PPP2R3A: variants seen among roughly 807,000 people sequenced by gnomAD.
PPP2R3A encodes serine/threonine-protein phosphatase 2A regulatory subunit B'' subunit alpha.
PPP2R3A carries 80 observed loss-of-function variants against 106.9 expected under a neutral mutation model. The ratio of observed to expected loss-of-function variants is 0.75; its 90% CI spans 0.62 to 0.90. The LOEUF (loss-of-function observed/expected upper bound fraction) is 0.90. PPP2R3A is among the 40% of genes least tolerant of loss of function. The pLI, the probability that PPP2R3A is intolerant of heterozygous loss-of-function variation, is 0.00. For missense variants in PPP2R3A, 1,386 were observed against 1,350.4 expected (o/e 1.03, Z -0.41); for synonymous variants, 483 against 468.3 (o/e 1.03, Z -0.41).
At chr3:136,089,117 T>C (rs1038314889) in intron 9 of PPP2R3A, among the ~76,000 whole-genome samples, 3 of 152,194 alleles carry the variant, frequency 2.0e-5, no homozygotes, top group Non-Finnish European at 4.4e-5. Flanking sequence ...TTTGGTTGTG[T>C]TGCAGTTGCT....
At position 136,042,324 on chromosome 3, in the gene PPP2R3A, A is replaced by C. The variant is rs1408414720; in HGVS notation, c.2366+1362A>C. Among the ~76,000 whole-genome samples, 29 of 152,148 alleles carry C rather than the reference A, an allele frequency of 1.9e-4. 1 individual carries two copies. Among genetic ancestry groups the C allele is most frequent in the Admixed American group, 1.9e-3 (29 of 15,266 alleles). ...ATGGACACAGGGAGGGGAACAGCAC[A>C]CACTGGGGCCTGTTGGGGTGGGGTG... On this transcript the variant is annotated intron_variant, in intron 4 of 13. Transcript: ENST00000264977.
chr3:135,977,376 A>T (rs1476907837), intron 1 of PPP2R3A, among the ~76,000 whole-genome samples: 1 of 152,226 alleles, frequency 6.6e-6, no homozygotes, highest in Non-Finnish European at 1.5e-5. Context: ...ATATTTTTCC[A>T]CTTAAAGATA....
chr3:135,970,034 A>C (rs1937199966), intron 1 of PPP2R3A, among the ~76,000 whole-genome samples: 1 of 152,234 alleles, frequency 6.6e-6, no homozygotes, highest in Admixed American at 6.5e-5. Context: ...TCTTGGTTGC[A>C]CATTGGAATC....
At chr3:136,047,451 A>G (rs1935509422) in intron 4 of PPP2R3A, among the ~76,000 whole-genome samples, 1 of 152,266 alleles carries the variant, frequency 6.6e-6, no homozygotes, top group Non-Finnish European at 1.5e-5. Context: ...ACCATGGACT[A>G]CTAAGCAGCC....
intron 3 of PPP2R3A, 47 bp downstream of exon 3, chr3:136,027,145 C>A (rs1216917025): frequency 6.6e-7 from 1 of 1,518,854 alleles, no homozygotes; most frequent in Admixed American, 1.8e-5. Context: ...CTTTAGAAAC[C>A]CTGATCCCCT....
chr3:135,985,740 G>A (rs1932892761), intron 1 of PPP2R3A, among the ~76,000 whole-genome samples: 1 of 152,188 alleles, frequency 6.6e-6, no homozygotes, highest in South Asian at 2.1e-4. Context: ...ATGGGATAAA[G>A]TGACTGAGAC....
At chr3:136,023,243 T>C (rs762541150) in intron 2 of PPP2R3A, 2 of 1,551,006 alleles carry the variant, frequency 1.3e-6, no homozygotes, top group Admixed American at 3.8e-5. Flanking sequence ...TTTTGTTTTG[T>C]TTTGAAAATA....
At chr3:136,136,069 AAAAATTAT>A (rs58724808) in intron 13 of PPP2R3A, among the ~76,000 whole-genome samples, 15,298 of 49,918 alleles carry the variant, frequency 0.31, 2,016 homozygotes, top group Non-Finnish European at 0.47. Flanking sequence ...AAAAAAAAAA[AAAAATTAT>A]ATATATATAT....
chr3:136,083,650 G>T (rs2107933005), intron 8 of PPP2R3A, among the ~76,000 whole-genome samples: 1 of 152,354 alleles, frequency 6.6e-6, no homozygotes, highest in African/African-American at 2.4e-5. Flanking sequence ...TAGGTAATAG[G>T]CAGAGGTTGG....
At position 136,070,486 on chromosome 3, in the gene PPP2R3A, G is replaced by A. The variant is rs946642881; in HGVS notation, c.2478G>A (p.Val826=). The A allele has an allele frequency of 1.2e-6, 2 of 1,603,874 alleles. No individual in the cohort carries two copies. Among genetic ancestry groups the A allele is most frequent in the Non-Finnish European group, 1.7e-6 (2 of 1,176,340 alleles). Residue 826 remains valine, a synonymous_variant, in exon 6 of 14, where the codon GTG becomes GTA. Coordinates refer to ENST00000264977, the MANE Select transcript of PPP2R3A (RefSeq NM_002718.5). The stretch of plus-strand genomic sequence containing the variant: ...GTTTTGATCTTTTTCAGGATGTGGT[G>A]GATACCCACCCTGGTCTCACGTTCC... ...EDFIPLLQDV[V]DTHPGLTFLK... is the part of the protein sequence containing the mutation.
At chr3:136,049,744 TAGAA>T (rs1028722232) in intron 5 of PPP2R3A, among the ~76,000 whole-genome samples, 2 of 152,080 alleles carry the variant, frequency 1.3e-5, no homozygotes, top group African/African-American at 4.8e-5. Context: ...AAGAACCTGG[TAGAA>T]AGAAAGAAAA....
At chr3:135,991,110 C>G (rs1933141416) in intron 1 of PPP2R3A, among the ~76,000 whole-genome samples, 1 of 152,142 alleles carries the variant, frequency 6.6e-6, no homozygotes, top group Non-Finnish European at 1.5e-5. Context: ...GGCAGATCCC[C>G]TCTCTGGTGT....
intron 1 of PPP2R3A, among the ~76,000 whole-genome samples, chr3:135,966,380 G>C (rs1040110882): frequency 1.3e-5 from 2 of 152,184 alleles, no homozygotes. Context: ...GGCCGCGGAC[G>C]GGATTCCCGG....
chr3:136,047,437 G>A (rs1418462507), intron 4 of PPP2R3A, among the ~76,000 whole-genome samples: 1 of 152,140 alleles, frequency 6.6e-6, no homozygotes, highest in African/African-American at 2.4e-5. Flanking sequence ...TGTGGTACAG[G>A]TACACCATGG....
At chr3:135,972,856 G>T (rs1187350554) in intron 1 of PPP2R3A, among the ~76,000 whole-genome samples, 1 of 152,162 alleles carries the variant, frequency 6.6e-6, no homozygotes, top group Non-Finnish European at 1.5e-5. Context: ...TACAAATCAG[G>T]TTTATGATTT....
intron 13 of PPP2R3A, among the ~76,000 whole-genome samples, chr3:136,115,352 TCA>T: frequency 6.6e-6 from 1 of 152,098 alleles, no homozygotes; most frequent in South Asian, 2.1e-4. Flanking sequence ...CTCCAAAGGA[TCA>T]CAACTCCTTG....
chr3:136,005,693 A>G (rs1051743537), intron 2 of PPP2R3A, among the ~76,000 whole-genome samples: 1 of 152,190 alleles, frequency 6.6e-6, no homozygotes, highest in Non-Finnish European at 1.5e-5. Context: ...ATAGTTTATT[A>G]TAAAGGAAAG....
chr3:136,003,701 C>T (rs1371059469), intron 2 of PPP2R3A, among the ~76,000 whole-genome samples: 2 of 151,752 alleles, frequency 1.3e-5, no homozygotes, highest in African/African-American at 4.8e-5. Flanking sequence ...AGACTTTAGA[C>T]TCAGACTGGT....
At chr3:136,036,212 T>C (rs180871905) in intron 3 of PPP2R3A, among the ~76,000 whole-genome samples, 1 of 152,296 alleles carries the variant, frequency 6.6e-6, no homozygotes, top group African/African-American at 2.4e-5. Flanking sequence ...TGAATTCTTT[T>C]TCAGGTAAAT....
Sources: allele counts gnomAD v4.1 joint callset (sites outside exome capture counted in the v4.1 genomes callset), GRCh38; gene constraint gnomAD v4.1.1; transcripts MANE v1.5; gene names NCBI Gene and HGNC (gene_info 2026-07-23, HGNC 2026-07-21).